The following UNC5C variants were observed in gnomAD, a reference collection of about 807,000 sequenced individuals.
UNC5C encodes netrin receptor UNC5C.
In UNC5C, 47 loss-of-function variants were observed where a neutral mutation model predicts 99.8. That is an observed-to-expected ratio of 0.47 (90% CI 0.37 to 0.60). The LOEUF is 0.60. UNC5C is among the 20% of genes least tolerant of loss of function. The pLI is 0.00. For synonymous variants in UNC5C, 487 were observed against 452.2 expected (o/e 1.08, Z -0.98); for missense variants, 1,062 against 1,165.9 (o/e 0.91, Z 1.30).
chr4:95,323,495 G>A (rs1742773974), intron 2 of UNC5C, among the ~76,000 whole-genome samples: 1 of 152,140 alleles, frequency 6.6e-6, no homozygotes, highest in African/African-American at 2.4e-5. Context: ...TGAAGAGCAT[G>A]CCAATAATTA....
chr4:95,219,941 T>C, intron 8 of UNC5C, 44 bp downstream of exon 8: 1 of 1,582,832 alleles, frequency 6.3e-7, no homozygotes, highest in Non-Finnish European at 8.6e-7. Context: ...TTGAAACTGC[T>C]TACATGCATA....
chr4:95,532,208 C>G (rs1185173816), intron 1 of UNC5C, among the ~76,000 whole-genome samples: 1 of 152,114 alleles, frequency 6.6e-6, no homozygotes, highest in East Asian at 1.9e-4. Flanking sequence ...AGAGATGGAT[C>G]TCTGAGGGTG....
chr4:95,346,734 T>C (rs753370363), intron 1 of UNC5C, among the ~76,000 whole-genome samples: 1 of 151,810 alleles, frequency 6.6e-6, no homozygotes, highest in East Asian at 1.9e-4. Flanking sequence ...ATAGAAAGAC[T>C]AAAACAAACT....
At chr4:95,415,579 CTATT>C (rs1195265083) in intron 1 of UNC5C, among the ~76,000 whole-genome samples, 3 of 152,088 alleles carry the variant, frequency 2.0e-5, no homozygotes, top group South Asian at 2.1e-4. Flanking sequence ...TCTCTGGTCA[CTATT>C]TACACACTAT....
chr4:95,524,888 TG>T (rs1422660746), intron 1 of UNC5C, among the ~76,000 whole-genome samples: 1 of 152,174 alleles, frequency 6.6e-6, no homozygotes, highest in African/African-American at 2.4e-5. Flanking sequence ...CTGAGCTCTA[TG>T]GGGGTCTGTT....
chr4:95,389,695 T>C lies in UNC5C; in HGVS notation c.125-54064A>G, dbSNP rs545469597. Among the ~76,000 whole-genome samples the C allele has an allele frequency of 4.6e-5, 7 of 152,190 alleles. No individual in the cohort carries two copies. The East Asian group carries it at 1.3e-3, about 29-fold the overall frequency. ...TTTTTCAAATATAAATTTTATGAAA[T>C]CAAATACAGATCATGTATTTCTGAT... On this transcript the variant is annotated intron_variant, in intron 1 of 15. Transcript: ENST00000453304.
intron 1 of UNC5C, among the ~76,000 whole-genome samples, chr4:95,428,446 G>A (rs1578158201): frequency 6.6e-6 from 1 of 152,178 alleles, no homozygotes; most frequent in Non-Finnish European, 1.5e-5. Flanking sequence ...TGGTGATTGC[G>A]TTTCTTATTT....
At chr4:95,363,114 A>G (rs938152577) in intron 1 of UNC5C, among the ~76,000 whole-genome samples, 1 of 152,146 alleles carries the variant, frequency 6.6e-6, no homozygotes, top group Admixed American at 6.6e-5. Flanking sequence ...AGTGTTTTCA[A>G]TCACCATAAC....
chr4:95,329,725 A>G (rs1010628605), intron 2 of UNC5C, among the ~76,000 whole-genome samples: 1 of 152,232 alleles, frequency 6.6e-6, no homozygotes, highest in African/African-American at 2.4e-5. Flanking sequence ...TGGCTAATAT[A>G]TAGCCACAGA....
At chr4:95,205,408 C>T (rs562388977) in intron 11 of UNC5C, among the ~76,000 whole-genome samples, 3 of 152,176 alleles carry the variant, frequency 2.0e-5, no homozygotes, top group Admixed American at 6.5e-5. Context: ...TTATTATGTA[C>T]GCTTCGGCAA....
intron 7 of UNC5C, among the ~76,000 whole-genome samples, chr4:95,227,780 A>G (rs1271326348): frequency 3.9e-5 from 6 of 152,242 alleles, no homozygotes; most frequent in African/African-American, 1.2e-4. Flanking sequence ...ATTTGGGTCA[A>G]TAAAACTGAC....
chr4:95,385,696 C>T (rs1357850141), intron 1 of UNC5C, among the ~76,000 whole-genome samples: 1 of 152,142 alleles, frequency 6.6e-6, no homozygotes, highest in Non-Finnish European at 1.5e-5. Context: ...GGTTGAAGGT[C>T]CAGTCCCATC....
At chr4:95,537,318 T>A (rs922990378) in intron 1 of UNC5C, among the ~76,000 whole-genome samples, 1 of 152,168 alleles carries the variant, frequency 6.6e-6, no homozygotes, top group Non-Finnish European at 1.5e-5. Flanking sequence ...TAAGCAGGGC[T>A]CCACTGTTGT....
At chr4:95,249,723 A>G (rs1739624818) in intron 5 of UNC5C, among the ~76,000 whole-genome samples, 1 of 152,190 alleles carries the variant, frequency 6.6e-6, no homozygotes, top group African/African-American at 2.4e-5. Context: ...TTTAGAGATG[A>G]GCTGGCTTAG....
At chr4:95,272,434 G>A (rs1740696409) in intron 4 of UNC5C, among the ~76,000 whole-genome samples, 1 of 152,150 alleles carries the variant, frequency 6.6e-6, no homozygotes, top group Non-Finnish European at 1.5e-5. Context: ...TGTTTATGTT[G>A]CTTAAACTTA....
chr4:95,528,347 G>A lies in UNC5C; in HGVS notation c.124+20387C>T, dbSNP rs531035293. Among the ~76,000 whole-genome samples, 376 of 152,184 alleles carry A rather than the reference G, an allele frequency of 2.5e-3. 1 individual carries two copies. Among genetic ancestry groups the A allele is most frequent in the Non-Finnish European group, 3.8e-3 (257 of 68,010 alleles). On this transcript the variant is annotated intron_variant, in intron 1 of 15. Transcript: ENST00000453304. ...AACTCTATCAATTTTCGCACCCATG[G>A]AGATTCATGCACTGGGGTCTCCCTC...
rs151320052 is a variant in UNC5C, at chr4:95,413,021, T to C, written c.125-77390A>G. Among the ~76,000 whole-genome samples the C allele has an allele frequency of 5.1e-3, 775 of 152,228 alleles. 8 individuals carry two copies. Among genetic ancestry groups the C allele is most frequent in the African/African-American group, 0.017 (725 of 41,540 alleles). ...ATTGAACAAAAGTCAAGAGGGAAAT[T>C]TTTTATTTCACAGGTACAAAACATA... On this transcript the variant is annotated intron_variant, in intron 1 of 15. Coordinates refer to ENST00000453304, the MANE Select transcript of UNC5C (RefSeq NM_003728.4).
chr4:95,302,060 A>C lies in UNC5C; in HGVS notation c.347-311T>G, dbSNP rs560036347. 4.6e-5 allele frequency among the ~76,000 whole-genome samples: 7 copies of C among 152,322 alleles called. No homozygotes were observed. In the South Asian group the frequency reaches 1.4e-3, roughly 32 times the overall value. On this transcript the variant is annotated intron_variant, in intron 2 of 15. Transcript: ENST00000453304. ...TTTTTAACCTTCCTCTCTATATTGA[A>C]ATATAAACTTGAGTTTCACATCTTC...
intron 3 of UNC5C, among the ~76,000 whole-genome samples, chr4:95,301,352 T>G (rs1036148284): frequency 6.6e-6 from 1 of 152,134 alleles, no homozygotes; most frequent in Non-Finnish European, 1.5e-5. Flanking sequence ...CCTGCCACCA[T>G]GCCCGGCTAA....
Sources: allele counts gnomAD v4.1 joint callset (sites outside exome capture counted in the v4.1 genomes callset), GRCh38; gene constraint gnomAD v4.1.1; transcripts MANE v1.5; gene names NCBI Gene and HGNC (gene_info 2026-07-23, HGNC 2026-07-21).